The following TRIM37 variants were observed in gnomAD, a reference collection of about 807,000 sequenced individuals.
TRIM37 encodes the protein E3 ubiquitin-protein ligase TRIM37.
In TRIM37, 80 loss-of-function variants were observed where a neutral mutation model predicts 129.8. The ratio of observed to expected loss-of-function variants is 0.62; its 90% CI spans 0.51 to 0.74. The LOEUF (loss-of-function observed/expected upper bound fraction) is 0.74. Among genes scored for constraint, TRIM37 ranks in the 30% least tolerant of loss-of-function variants. TRIM37 has a pLI of 0.00. For synonymous variants in TRIM37, 389 were observed against 387.1 expected, an observed-to-expected ratio of 1.00 and a Z score of -0.06; for missense variants, 1,054 against 1,176.5, an observed-to-expected ratio of 0.90 and a Z score of 1.52.
chr17:59,065,272 C>T (rs902545339), intron 9 of TRIM37, among the ~76,000 whole-genome samples: 15 of 152,150 alleles, frequency 9.9e-5, no homozygotes, highest in African/African-American at 3.6e-4. Context: ...AGTGATAACA[C>T]AATTAATCCC....
At chr17:59,062,495 A>G in intron 11 of TRIM37, 72 bp downstream of exon 11, 3 of 1,232,636 alleles carry the variant, frequency 2.4e-6, no homozygotes, top group Non-Finnish European at 3.5e-6. Flanking sequence ...CTCAGTAATC[A>G]AATTAGTATA....
At chr17:58,994,850 A>G (rs536103429), downstream of TRIM37, among the ~76,000 whole-genome samples, 47 of 152,024 alleles carry the variant, frequency 3.1e-4, no homozygotes, top group East Asian at 8.1e-3. Flanking sequence ...CACGGGTTTA[A>G]GCGATTCTCC....
At chr17:59,008,066 G>A (rs2034774939) in intron 22 of TRIM37, among the ~76,000 whole-genome samples, 1 of 152,164 alleles carries the variant, frequency 6.6e-6, no homozygotes, top group Non-Finnish European at 1.5e-5. Flanking sequence ...AATAATACTG[G>A]CAACAGTGAG....
intron 6 of TRIM37, 68 bp from the exon 7 acceptor site, chr17:59,079,945 A>G (rs759554110): frequency 6.5e-7 from 1 of 1,533,822 alleles, no homozygotes; most frequent in Non-Finnish European, 9.0e-7. Flanking sequence ...CCACATTATA[A>G]TATTGCCAAG....
intron 2 of TRIM37, among the ~76,000 whole-genome samples, chr17:59,091,568 A>ATTATGTATAT (rs1555695366): frequency 4.4e-5 from 3 of 67,462 alleles, no homozygotes. Flanking sequence ...TTATATATAT[A>ATTATGTATAT]ATATATATAA....
At chr17:58,989,479 T>G (rs950111667) in intron 24 of TRIM37, among the ~76,000 whole-genome samples, 2 of 151,788 alleles carry the variant, frequency 1.3e-5, no homozygotes, top group Non-Finnish European at 2.9e-5. Flanking sequence ...TCAAGAAAAA[T>G]GGTGGATACT....
chr17:59,015,461 A>G (rs1157409516), intron 21 of TRIM37, 149 bp downstream of exon 21: 2 of 878,068 alleles, frequency 2.3e-6, no homozygotes, highest in Admixed American at 2.3e-5. Flanking sequence ...AAAATTAAAA[A>G]AGTTAAAATT....
At chr17:59,061,937 T>C (rs938014178) in intron 11 of TRIM37, among the ~76,000 whole-genome samples, 4 of 151,894 alleles carry the variant, frequency 2.6e-5, no homozygotes, top group Admixed American at 6.6e-5. Context: ...ACTCAGTAGA[T>C]ATCAATGAAT....
chr17:59,106,361 G>A (rs966928443), intron 1 of TRIM37, 80 bp downstream of exon 1: 15 of 1,566,864 alleles, frequency 9.6e-6, no homozygotes, highest in Non-Finnish European at 1.3e-5. Flanking sequence ...CTGGAGGGAG[G>A]ACATGGGCAC....
intron 18 of TRIM37, 78 bp from the exon 19 acceptor site, chr17:59,028,801 T>C: frequency 1.3e-6 from 2 of 1,489,472 alleles, no homozygotes; most frequent in Middle Eastern, 1.8e-4. Flanking sequence ...TATATGCAAA[T>C]TTGATGTGTA....
chr17:58,971,596 G>A, the TRIM37 span, among the ~76,000 whole-genome samples: 5 of 152,296 alleles, frequency 3.3e-5, no homozygotes, highest in African/African-American at 4.8e-5. Flanking sequence ...TCCAGGGAAC[G>A]TAAGCTGTCT....
At position 59,079,741 on chromosome 17, in the gene TRIM37, C is replaced by T. The variant is rs374800506; in HGVS notation, c.616+13G>A. The T allele has an allele frequency of 7.4e-6, 12 of 1,613,810 alleles. No individual in the cohort carries two copies. Among genetic ancestry groups the T allele is most frequent in the Non-Finnish European group, 9.3e-6 (11 of 1,179,776 alleles). On this transcript the variant is annotated intron_variant, in intron 7 of 23. Transcript: ENST00000262294. ...AAGCACCAGGTACCCCAGCAGCATA[C>T]ATAAACACTTACCCATCAGTGTTAT...
downstream of TRIM37, among the ~76,000 whole-genome samples, chr17:58,996,584 T>C (rs1480126075): frequency 6.6e-6 from 1 of 151,532 alleles, no homozygotes; most frequent in African/African-American, 2.4e-5. Context: ...GCTCAGGAGT[T>C]GGAGGCCAGC....
At chr17:59,065,031 AC>A (rs1329428586) in intron 9 of TRIM37, among the ~76,000 whole-genome samples, 1 of 152,224 alleles carries the variant, frequency 6.6e-6, no homozygotes, top group African/African-American at 2.4e-5. Flanking sequence ...AGCGAGGGCG[AC>A]AGAGCCAGAC....
At chr17:59,054,533 C>T (rs529206909) in intron 13 of TRIM37, among the ~76,000 whole-genome samples, 1 of 152,266 alleles carries the variant, frequency 6.6e-6, no homozygotes, top group Admixed American at 6.5e-5. Flanking sequence ...AACTCCTGAC[C>T]TCAGGTGATC....
chr17:59,007,231 C>CCACCCACCCACACACACACACACACA (rs60395023), intron 22 of TRIM37, among the ~76,000 whole-genome samples: 1 of 97,500 alleles, frequency 1.0e-5, no homozygotes, highest in Non-Finnish European at 2.0e-5. Context: ...CCCCACCCAC[C>CCACCCACCCACACACACACACACACA]CACACACACA....
chr17:58,985,432 A>C (rs2031711641), intron 24 of TRIM37, among the ~76,000 whole-genome samples: 1 of 152,222 alleles, frequency 6.6e-6, no homozygotes. Flanking sequence ...TCCTAAAAGA[A>C]AAGAGGAACC....
downstream of TRIM37, chr17:58,981,793 G>T (rs567603708): frequency 6.6e-6 from 1 of 152,620 alleles, no homozygotes; most frequent in African/African-American, 2.4e-5. Flanking sequence ...GGAGACCGCT[G>T]TCAACTGGTT....
intron 24 of TRIM37, among the ~76,000 whole-genome samples, chr17:58,991,656 T>C (rs1334724317): frequency 6.6e-6 from 1 of 152,060 alleles, no homozygotes; most frequent in Admixed American, 6.6e-5. Flanking sequence ...TCTGGCAAAA[T>C]ATTAGCAAAA....
Sources: allele counts gnomAD v4.1 joint callset (sites outside exome capture counted in the v4.1 genomes callset), GRCh38; gene constraint gnomAD v4.1.1; transcripts MANE v1.5; gene names NCBI Gene and HGNC (gene_info 2026-07-23, HGNC 2026-07-21).